Variants in HEMK2 observed in about 807,000 individuals in gnomAD.
HEMK2 encodes the protein methyltransferase HEMK2.
the HEMK2 span, among the ~76,000 whole-genome samples, chr21:28,877,001 GAGGGAGGAAGGA>G: frequency 3.3e-5 from 2 of 61,534 alleles, no homozygotes; most frequent in African/African-American, 7.3e-5. Context: ...GGGAGGGAGG[GAGGGAGGAAGGA>G]AGGAAGGAAG....
chr21:28,755,056 T>C, the HEMK2 span, among the ~76,000 whole-genome samples: 1 of 152,100 alleles, frequency 6.6e-6, no homozygotes, highest in Non-Finnish European at 1.5e-5. Context: ...TGAGGAGTGC[T>C]CTAGGCAAAG....
the HEMK2 span, among the ~76,000 whole-genome samples, chr21:28,752,661 C>T: frequency 2.0e-5 from 3 of 152,204 alleles, no homozygotes; most frequent in African/African-American, 7.2e-5. Context: ...GAACAGGGAC[C>T]ACTCTCAACT....
At chr21:28,640,539 C>A in the HEMK2 span, among the ~76,000 whole-genome samples, 1 of 152,338 alleles carries the variant, frequency 6.6e-6, no homozygotes, top group African/African-American at 2.4e-5. Context: ...GGGGCAACCA[C>A]AAACCAACAG....
chr21:28,720,171 A>T, the HEMK2 span, among the ~76,000 whole-genome samples: 1 of 152,224 alleles, frequency 6.6e-6, no homozygotes, highest in Admixed American at 6.5e-5. Flanking sequence ...AATACTAACA[A>T]TCCAACAATA....
the HEMK2 span, among the ~76,000 whole-genome samples, chr21:28,655,297 C>CA: frequency 3.3e-5 from 5 of 151,672 alleles, no homozygotes; most frequent in Non-Finnish European, 7.4e-5. Context: ...TAGTATAGGG[C>CA]AAAAAATGAA....
the HEMK2 span, among the ~76,000 whole-genome samples, chr21:28,743,734 T>C: frequency 6.6e-6 from 1 of 152,180 alleles, no homozygotes; most frequent in African/African-American, 2.4e-5. Context: ...AAATAGAAGA[T>C]GGTGAAAGTT....
the HEMK2 span, among the ~76,000 whole-genome samples, chr21:28,822,444 T>C: frequency 3.9e-5 from 6 of 152,136 alleles, no homozygotes; most frequent in Non-Finnish European, 5.9e-5. Context: ...TCTTGGCTCA[T>C]GTTCTAAAAA....
chr21:28,771,059 C>A, the HEMK2 span, among the ~76,000 whole-genome samples: 9 of 152,208 alleles, frequency 5.9e-5, no homozygotes, highest in African/African-American at 2.2e-4. Context: ...TTACTTCATG[C>A]CAGACACTGT....
chr21:28,878,164 G>T, the HEMK2 span: 1 of 1,503,376 alleles, frequency 6.7e-7, no homozygotes, highest in East Asian at 2.4e-5. Context: ...CAACATAAAT[G>T]CTTAAACAAT....
At chr21:28,586,955 C>G in the HEMK2 span, among the ~76,000 whole-genome samples, 1 of 152,130 alleles carries the variant, frequency 6.6e-6, no homozygotes, top group Non-Finnish European at 1.5e-5. Flanking sequence ...AGGATTTCAA[C>G]GTATGAAACG....
At chr21:28,714,983 A>T in the HEMK2 span, among the ~76,000 whole-genome samples, 2 of 152,102 alleles carry the variant, frequency 1.3e-5, no homozygotes, top group Non-Finnish European at 2.9e-5. Context: ...ATTCTTTTTT[A>T]TAGCTTTGTA....
chr21:28,692,530 A>G, the HEMK2 span, among the ~76,000 whole-genome samples: 1 of 152,174 alleles, frequency 6.6e-6, no homozygotes, highest in Non-Finnish European at 1.5e-5. Flanking sequence ...AAATAAAAAC[A>G]CTATAAAACT....
chr21:28,599,679 A>C, the HEMK2 span, among the ~76,000 whole-genome samples: 1 of 152,198 alleles, frequency 6.6e-6, no homozygotes, highest in African/African-American at 2.4e-5. Context: ...TAATTTCAGC[A>C]TTAACTCAAA....
the HEMK2 span, chr21:28,882,347 C>T: frequency 2.3e-6 from 2 of 862,666 alleles, no homozygotes; most frequent in Admixed American, 2.7e-5. Flanking sequence ...CTACACAGAA[C>T]AGATTTAGAA....
chr21:28,588,809 C>T, the HEMK2 span, among the ~76,000 whole-genome samples: 1 of 151,948 alleles, frequency 6.6e-6, no homozygotes, highest in Non-Finnish European at 1.5e-5. Flanking sequence ...CGCTGAAACC[C>T]TGTCTCTACT....
chr21:28,853,191 C>T, the HEMK2 span, among the ~76,000 whole-genome samples: 1 of 152,174 alleles, frequency 6.6e-6, no homozygotes, highest in African/African-American at 2.4e-5. Context: ...CTCCAGCATC[C>T]CAATCTCCCT....
At chr21:28,743,556 A>C in the HEMK2 span, among the ~76,000 whole-genome samples, 13 of 152,180 alleles carry the variant, frequency 8.5e-5, no homozygotes, top group Admixed American at 2.6e-4. Flanking sequence ...AGAAAAGAAA[A>C]AAGAGAGTGA....
At chr21:28,750,723 C>G in the HEMK2 span, among the ~76,000 whole-genome samples, 1 of 130,156 alleles carries the variant, frequency 7.7e-6, no homozygotes, top group Admixed American at 7.4e-5. Context: ...AAAAAAAAGG[C>G]AAACAAAGTC....
chr21:28,788,329 G>A, the HEMK2 span, among the ~76,000 whole-genome samples: 1 of 150,880 alleles, frequency 6.6e-6, no homozygotes, highest in Non-Finnish European at 1.5e-5. Context: ...CATATATGAT[G>A]GAATACTATG....
Sources: allele counts gnomAD v4.1 joint callset (sites outside exome capture counted in the v4.1 genomes callset), GRCh38; gene constraint gnomAD v4.1.1; transcripts MANE v1.5; gene names NCBI Gene and HGNC (gene_info 2026-07-23, HGNC 2026-07-21).